MDGA2: variants seen among roughly 807,000 people sequenced by gnomAD.
MDGA2 encodes MAM domain containing glycosylphosphatidylinositol anchor 2.
A neutral mutation model predicts 117.8 loss-of-function variants in MDGA2; 40 were observed. The observed-to-expected ratio is 0.34, with a 90% confidence interval of 0.26 to 0.44. The LOEUF is 0.44. Ranked by LOEUF, MDGA2 falls within the 20% of genes least tolerant of loss-of-function variation. The pLI, the probability that MDGA2 is intolerant of heterozygous loss-of-function variation, is 1.00. For missense variants in MDGA2, 1,123 were observed against 1,250.6 expected, an observed-to-expected ratio of 0.90 and a Z score of 1.54; for synonymous variants, 452 against 439.0, an observed-to-expected ratio of 1.03 and a Z score of -0.37.
At chr14:46,918,556 T>G (rs1250352052) in intron 10 of MDGA2, among the ~76,000 whole-genome samples, 1 of 152,122 alleles carries the variant, frequency 6.6e-6, no homozygotes, top group Non-Finnish European at 1.5e-5. Context: ...TTTGCTCAGA[T>G]TTACCTACAG....
At chr14:47,167,043 C>T (rs961725086) in intron 3 of MDGA2, among the ~76,000 whole-genome samples, 12 of 152,142 alleles carry the variant, frequency 7.9e-5, no homozygotes, top group Admixed American at 3.9e-4. Flanking sequence ...ATTAACAATA[C>T]TCTCAAATGT....
chr14:47,079,705 T>G (rs1389972722), intron 6 of MDGA2, among the ~76,000 whole-genome samples: 1 of 148,476 alleles, frequency 6.7e-6, no homozygotes, highest in Non-Finnish European at 1.5e-5. Context: ...CTGTGTTATT[T>G]GTTTCAGCCG....
chr14:47,040,074 C>T (rs1174819328), intron 7 of MDGA2, among the ~76,000 whole-genome samples: 1 of 152,054 alleles, frequency 6.6e-6, no homozygotes, highest in African/African-American at 2.4e-5. Flanking sequence ...TGAATGTTAA[C>T]AGGGAGCTTC....
At chr14:47,332,348 CACA>C (rs1330981849) in intron 1 of MDGA2, among the ~76,000 whole-genome samples, 4 of 151,950 alleles carry the variant, frequency 2.6e-5, no homozygotes, top group African/African-American at 9.7e-5. Context: ...AGCATGTTAG[CACA>C]ACATTGGCAG....
chr14:47,294,791 A>G (rs1167849736), intron 2 of MDGA2, among the ~76,000 whole-genome samples: 3 of 152,208 alleles, frequency 2.0e-5, no homozygotes, highest in African/African-American at 7.2e-5. Flanking sequence ...CAATACATGT[A>G]GCACTAATGG....
At chr14:47,092,457 G>A (rs1323347834) in intron 6 of MDGA2, among the ~76,000 whole-genome samples, 1 of 152,060 alleles carries the variant, frequency 6.6e-6, no homozygotes, top group Non-Finnish European at 1.5e-5. Context: ...AGACTTCATA[G>A]ACAATTAAAG....
chr14:46,934,170 TTATC>T (rs993342842), intron 9 of MDGA2, among the ~76,000 whole-genome samples: 1 of 151,990 alleles, frequency 6.6e-6, no homozygotes, highest in African/African-American at 2.4e-5. Flanking sequence ...AATCTTCAAA[TTATC>T]TATCCTCTTG....
chr14:47,561,164 TTTTTTTGTTTGTTTG>T (rs1895802903), intron 1 of MDGA2, among the ~76,000 whole-genome samples: 1 of 89,946 alleles, frequency 1.1e-5, no homozygotes, highest in African/African-American at 3.4e-5. Context: ...TTTTGTTTTG[TTTTTTTGTTTGTTTG>T]TTTTTTTTTG....
intron 10 of MDGA2, among the ~76,000 whole-genome samples, chr14:46,912,410 T>C (rs1283234867): frequency 6.6e-6 from 1 of 152,124 alleles, no homozygotes; most frequent in African/African-American, 2.4e-5. Flanking sequence ...CAGTTTCATA[T>C]CTAATGCTTT....
rs1048022102 is a variant in MDGA2, at chr14:47,448,131, A to ATTTAT, written c.281-146586_281-146582dup. On this transcript the variant is annotated intron_variant, in intron 1 of 16. Transcript: ENST00000399232. ...GCTTTATTTGAGGCCTACTTTATTT[A>ATTTAT]TTTATTTTATTTTATTTTATTTTAT... Among the ~76,000 whole-genome samples the ATTTAT allele has an allele frequency of 2.2e-3, 321 of 148,374 alleles. 2 individuals are homozygous for ATTTAT. The highest frequency in any genetic ancestry group is 6.8e-3 in the African/African-American group (274 of 40,404).
At position 46,840,712 on chromosome 14, in the gene MDGA2, G is replaced by T. The variant is rs1276704684; in HGVS notation, c.*1219C>A. On this transcript the variant is annotated 3_prime_UTR_variant, in exon 17 of 17. Coordinates refer to ENST00000399232, the MANE Select transcript of MDGA2 (RefSeq NM_001113498.3). ...TTTTCTTGTTCCCTCTAAAGCTAGGGCCAATTTCATTTCAAATGGAGGTTA... is the reference window on the plus strand; with the variant it reads ...TTTTCTTGTTCCCTCTAAAGCTAGGTCCAATTTCATTTCAAATGGAGGTTA... 3 of 152,612 alleles carry T rather than the reference G, an allele frequency of 2.0e-5. No individual in the cohort carries two copies. Among genetic ancestry groups the T allele is most frequent in the Admixed American group, 6.6e-5 (1 of 15,266 alleles). The allele number at this position is 152,612 out of a possible 1,614,324, so 9.5% of individuals were successfully genotyped here. A position where few individuals can be genotyped will look rare whatever the true frequency, so the allele number is the denominator to read the frequency against.
chr14:46,909,501 C>A (rs1393754591), intron 10 of MDGA2, among the ~76,000 whole-genome samples: 1 of 152,086 alleles, frequency 6.6e-6, no homozygotes, highest in Non-Finnish European at 1.5e-5. Context: ...CCTGCATCAA[C>A]ATGCTCCCTC....
intron 8 of MDGA2, among the ~76,000 whole-genome samples, chr14:47,024,520 T>G (rs768140091): frequency 3.9e-5 from 6 of 152,222 alleles, no homozygotes; most frequent in Non-Finnish European, 8.8e-5. Flanking sequence ...TGCTTAGCTT[T>G]GAATAGTTTC....
intron 7 of MDGA2, among the ~76,000 whole-genome samples, chr14:47,043,700 T>G (rs1473623462): frequency 1.3e-5 from 2 of 152,118 alleles, no homozygotes; most frequent in African/African-American, 2.4e-5. Flanking sequence ...TTGTCAAACC[T>G]TAATAAGCCA....
intron 1 of MDGA2, among the ~76,000 whole-genome samples, chr14:47,418,403 G>T (rs1892516219): frequency 6.6e-6 from 1 of 152,110 alleles, no homozygotes; most frequent in Non-Finnish European, 1.5e-5. Flanking sequence ...ATTTCTTAAA[G>T]TTCTGGAGGC....
At chr14:47,660,623 T>G (rs181712850) in intron 1 of MDGA2, among the ~76,000 whole-genome samples, 2 of 152,234 alleles carry the variant, frequency 1.3e-5, no homozygotes, top group Admixed American at 1.3e-4. Context: ...GCGCGAAAAA[T>G]GCCCAAGCAA....
At chr14:47,583,851 CTTT>C (rs896839869) in intron 1 of MDGA2, among the ~76,000 whole-genome samples, 5 of 151,702 alleles carry the variant, frequency 3.3e-5, no homozygotes. Flanking sequence ...TCCCTTTAGT[CTTT>C]TATTTTTAAT....
At chr14:47,456,302 T>TTC (rs1219342802) in intron 1 of MDGA2, among the ~76,000 whole-genome samples, 1 of 151,204 alleles carries the variant, frequency 6.6e-6, no homozygotes, top group Admixed American at 6.6e-5. Flanking sequence ...ACCTTTTTTT[T>TTC]TTTTTTTGAG....
At chr14:47,622,090 T>C (rs1897060003) in intron 1 of MDGA2, among the ~76,000 whole-genome samples, 1 of 152,212 alleles carries the variant, frequency 6.6e-6, no homozygotes, top group Non-Finnish European at 1.5e-5. Flanking sequence ...TCTAACATCC[T>C]TCAAAGAACA....
Sources: allele counts gnomAD v4.1 joint callset (sites outside exome capture counted in the v4.1 genomes callset), GRCh38; gene constraint gnomAD v4.1.1; transcripts MANE v1.5; gene names NCBI Gene and HGNC (gene_info 2026-07-23, HGNC 2026-07-21).